HNF4G: variants seen among roughly 807,000 people sequenced by gnomAD.
HNF4G encodes the protein hepatocyte nuclear factor 4 gamma.
In HNF4G, 21 loss-of-function variants were observed where a neutral mutation model predicts 50.9. That is an observed-to-expected ratio of 0.41 (90% CI 0.29 to 0.59). The LOEUF (loss-of-function observed/expected upper bound fraction) is 0.59. Ranked by LOEUF, HNF4G falls within the 20% of genes least tolerant of loss-of-function variation. The probability of loss-of-function intolerance (pLI) is 0.26; values close to 1 mark genes in which losing one functional copy is unlikely to be tolerated. For missense variants in HNF4G, 527 were observed against 559.4 expected (o/e 0.94, Z 0.58); for synonymous variants, 198 against 185.6 (o/e 1.07, Z -0.54).
chr8:75,423,371 A>C (rs1585829527), intron 1 of HNF4G, among the ~76,000 whole-genome samples: 1 of 110,050 alleles, frequency 9.1e-6, no homozygotes, highest in Non-Finnish European at 1.7e-5. Flanking sequence ...ATGGAGTCTC[A>C]CTCTGTTGCC....
At chr8:75,484,019 A>G (rs1230635984) in intron 1 of HNF4G, among the ~76,000 whole-genome samples, 1 of 152,212 alleles carries the variant, frequency 6.6e-6, no homozygotes, top group Non-Finnish European at 1.5e-5. Flanking sequence ...AAGTTAAGGA[A>G]TATTCAAGTT....
upstream of HNF4G, among the ~76,000 whole-genome samples, chr8:75,536,205 C>G (rs1006962512): frequency 6.6e-6 from 1 of 151,766 alleles, no homozygotes; most frequent in Non-Finnish European, 1.5e-5. Context: ...GTTCATAGTT[C>G]ATCATATATT....
At chr8:75,492,112 A>G (rs1487336037) in intron 2 of HNF4G, among the ~76,000 whole-genome samples, 6 of 152,180 alleles carry the variant, frequency 3.9e-5, no homozygotes, top group African/African-American at 1.4e-4. Context: ...CGCTTTTAAG[A>G]TGAGTTTTCT....
At chr8:75,508,782 G>C (rs1419094058) in intron 2 of HNF4G, among the ~76,000 whole-genome samples, 1 of 152,062 alleles carries the variant, frequency 6.6e-6, no homozygotes, top group Non-Finnish European at 1.5e-5. Flanking sequence ...AGGTTAGAGG[G>C]GAAGAGATGA....
chr8:75,432,136 C>T (rs1811030276), intron 1 of HNF4G, among the ~76,000 whole-genome samples: 1 of 151,730 alleles, frequency 6.6e-6, no homozygotes, highest in African/African-American at 2.4e-5. Flanking sequence ...CCTGTAGTCC[C>T]AGCTACTCAG....
At chr8:75,555,560 G>C (rs1186623570) in intron 5 of HNF4G, among the ~76,000 whole-genome samples, 1 of 117,552 alleles carries the variant, frequency 8.5e-6, no homozygotes, top group East Asian at 2.1e-4. Context: ...GTACTCATGA[G>C]TACATGATGA....
In HNF4G at chr8:75,566,522, A is replaced by G. The variant is rs1292105756; in HGVS notation, c.*2426A>G. On this transcript the variant is annotated 3_prime_UTR_variant, in exon 10 of 10. Coordinates refer to ENST00000396423, the MANE Select transcript of HNF4G (RefSeq NM_004133.5). Reference sequence around the variant, plus strand: ...ATGGTCAGGGAATTTATAATATTATATTTTTATATACTGAACTGCCATAGA... The same window carrying G: ...ATGGTCAGGGAATTTATAATATTATGTTTTTATATACTGAACTGCCATAGA... 6.6e-6 allele frequency: 1 copy of G among 152,448 alleles called. No individual in the cohort carries two copies. The highest frequency in any genetic ancestry group is 1.5e-5 in the Non-Finnish European group (1 of 68,006). The allele number at this position is 152,448 out of a possible 1,614,324, so 9.4% of individuals were successfully genotyped here.
chr8:75,423,176 T>C (rs1291283910), intron 1 of HNF4G, among the ~76,000 whole-genome samples: 1 of 152,100 alleles, frequency 6.6e-6, no homozygotes, highest in East Asian at 1.9e-4. Context: ...TTGTTCCCTT[T>C]TCCATAATTT....
chr8:75,535,912 A>T (rs946980003), upstream of HNF4G, among the ~76,000 whole-genome samples: 4 of 151,994 alleles, frequency 2.6e-5, no homozygotes, highest in African/African-American at 9.6e-5. Context: ...TTCTTTAAAC[A>T]TCATGCTGTT....
chr8:75,460,232 G>A (rs1811812900), intron 1 of HNF4G, among the ~76,000 whole-genome samples: 1 of 152,136 alleles, frequency 6.6e-6, no homozygotes. Flanking sequence ...TATTGAAAAA[G>A]TGGACATGGT....
chr8:75,516,587 T>C (rs1805894217), intron 2 of HNF4G, among the ~76,000 whole-genome samples: 1 of 152,166 alleles, frequency 6.6e-6, no homozygotes, highest in Non-Finnish European at 1.5e-5. Flanking sequence ...ATAAAGTTGA[T>C]TGATTGTGTT....
chr8:75,561,305 C>G (rs1807304785), intron 9 of HNF4G, among the ~76,000 whole-genome samples: 1 of 152,342 alleles, frequency 6.6e-6, no homozygotes, highest in Admixed American at 6.5e-5. Context: ...ACTCAAACAA[C>G]AGCAGCGGCA....
chr8:75,480,400 TTC>T (rs1406434207), intron 1 of HNF4G, among the ~76,000 whole-genome samples: 2 of 152,212 alleles, frequency 1.3e-5, no homozygotes, highest in Non-Finnish European at 2.9e-5. Context: ...ACTACAGGTC[TTC>T]TCTCTGATAC....
intron 1 of HNF4G, among the ~76,000 whole-genome samples, chr8:75,433,680 T>C (rs1436920881): frequency 6.6e-6 from 1 of 152,092 alleles, no homozygotes; most frequent in East Asian, 1.9e-4. Context: ...ATTACAGGCA[T>C]AAGCCACCAC....
Position 75,560,413 on chromosome 8 carries a change from G to C in HNF4G, c.1193G>C (p.Gly398Ala). 1 of 1,613,204 alleles carries C rather than the reference G, an allele frequency of 6.2e-7. No individual in the cohort carries two copies. The highest frequency in any genetic ancestry group is 8.5e-7 in the Non-Finnish European group (1 of 1,179,422). The part of the protein sequence containing the change: ...HPHLSQDPLT[G>A]QTILLGPMST... ...CATTTGTCTCAAGACCCATTAACTG[G>C]ACAAACTATACTTTTAGGTCCCATG... Residue 398 changes from glycine (G) to alanine (A), a missense_variant, in exon 9 of 10, where the codon GGA becomes GCA. By Grantham distance (60) the Gly-to-Ala change is moderately conservative (BLOSUM62 0). Around this residue, in one of 5 missense-constraint regions of HNF4G, gnomAD observed 308 missense variants for 301.5 expected, o/e 1.02. Transcript: ENST00000396423.
At chr8:75,556,884 G>A (rs1468055436) in intron 6 of HNF4G, among the ~76,000 whole-genome samples, 2 of 152,132 alleles carry the variant, frequency 1.3e-5, no homozygotes, top group Non-Finnish European at 2.9e-5. Flanking sequence ...ACATGTATAT[G>A]TATATATATT....
At chr8:75,439,338 T>G (rs1187391070) in intron 1 of HNF4G, among the ~76,000 whole-genome samples, 1 of 152,048 alleles carries the variant, frequency 6.6e-6, no homozygotes, top group African/African-American at 2.4e-5. Context: ...AAATGATGAA[T>G]TTTTTACATG....
At chr8:75,469,606 G>C (rs1012030125) in intron 1 of HNF4G, among the ~76,000 whole-genome samples, 8 of 152,172 alleles carry the variant, frequency 5.3e-5, no homozygotes, top group African/African-American at 1.9e-4. Flanking sequence ...TCTCTTGCCT[G>C]AGTCTGAGAC....
At chr8:75,519,656 C>T (rs1233384267) in intron 2 of HNF4G, among the ~76,000 whole-genome samples, 2 of 152,132 alleles carry the variant, frequency 1.3e-5, no homozygotes, top group African/African-American at 4.8e-5. Flanking sequence ...CAATTGCCTC[C>T]CACTGGGTCC....
Sources: gnomAD v4.1 joint callset for allele counts (sites outside exome capture counted in the v4.1 genomes callset) on GRCh38, gnomAD v4.1.1 for gene constraint, gnomAD v4.1.1 regional missense constraint, MANE v1.5 for transcripts, NCBI Gene and HGNC (gene_info 2026-07-23, HGNC 2026-07-21) for gene names.